The following CDC42BPA variants were observed in gnomAD, a reference collection of about 807,000 sequenced individuals.
The protein encoded by CDC42BPA is serine/threonine-protein kinase MRCK alpha.
Under a neutral mutation model 223.5 loss-of-function variants are expected in CDC42BPA, and 80 were observed. The observed-to-expected ratio is 0.36, with a 90% confidence interval of 0.30 to 0.43. The LOEUF (loss-of-function observed/expected upper bound fraction) is 0.43, where lower values mean the gene tolerates loss of function less well. Among genes scored for constraint, CDC42BPA ranks in the 20% least tolerant of loss-of-function variants. CDC42BPA has a pLI of 1.00. For synonymous variants in CDC42BPA, 694 were observed against 718.6 expected, an observed-to-expected ratio of 0.97 and a Z score of 0.55; for missense variants, 1,743 against 2,099.9, an observed-to-expected ratio of 0.83 and a Z score of 3.32.
chr1:227,118,450 T>TAGG (rs996833340), intron 12 of CDC42BPA, among the ~76,000 whole-genome samples: 1 of 152,188 alleles, frequency 6.6e-6, no homozygotes. Context: ...CTACTGCCTA[T>TAGG]AGGATATTAA....
chr1:227,150,869 GAA>G (rs149369718), intron 6 of CDC42BPA, among the ~76,000 whole-genome samples: 1 of 128,012 alleles, frequency 7.8e-6, no homozygotes, highest in Non-Finnish European at 1.7e-5. Flanking sequence ...AAAAAAAAAA[GAA>G]AAAAAAAAAG....
intron 10 of CDC42BPA, among the ~76,000 whole-genome samples, chr1:227,136,597 G>C (rs999552142): frequency 6.6e-6 from 1 of 152,200 alleles, no homozygotes; most frequent in African/African-American, 2.4e-5. Flanking sequence ...GTGAATCACA[G>C]TCCAACTATT....
intron 2 of CDC42BPA, among the ~76,000 whole-genome samples, chr1:227,238,226 G>A (rs1484573163): frequency 6.6e-6 from 1 of 150,808 alleles, no homozygotes; most frequent in African/African-American, 2.4e-5. Flanking sequence ...GGACATGGTG[G>A]GGCACACCTG....
At chr1:227,243,158 A>C (rs1193319096) in intron 2 of CDC42BPA, among the ~76,000 whole-genome samples, 1 of 152,186 alleles carries the variant, frequency 6.6e-6, no homozygotes, top group Non-Finnish European at 1.5e-5. Context: ...AACAACACAC[A>C]CTGGGACCTG....
chr1:227,021,239 C>T (rs1357168294), intron 32 of CDC42BPA, among the ~76,000 whole-genome samples: 2 of 152,098 alleles, frequency 1.3e-5, no homozygotes, highest in Non-Finnish European at 2.9e-5. Context: ...GGCACTGAGA[C>T]TTACTAGAGG....
intron 2 of CDC42BPA, among the ~76,000 whole-genome samples, chr1:227,242,199 C>T (rs985912768): frequency 2.0e-5 from 3 of 151,982 alleles, no homozygotes; most frequent in African/African-American, 7.3e-5. Flanking sequence ...ATAGATGGAG[C>T]TTTTGATAAA....
intron 4 of CDC42BPA, among the ~76,000 whole-genome samples, chr1:227,198,205 C>A (rs1384138661): frequency 2.0e-5 from 3 of 151,734 alleles, no homozygotes; most frequent in Non-Finnish European, 1.5e-5. Flanking sequence ...AATCCACACA[C>A]CTTAGGGGGT....
chr1:227,317,618 C>G lies in CDC42BPA; in HGVS notation c.-436G>C, dbSNP rs943916215. 1 of 397,906 alleles carries G rather than the reference C, an allele frequency of 2.5e-6. No homozygotes were observed. Among genetic ancestry groups the G allele is most frequent in the Non-Finnish European group, 4.4e-6 (1 of 226,012 alleles). The allele number at this position is 397,906 out of a possible 1,614,324, so 24.6% of individuals were successfully genotyped here. On this transcript the variant is annotated 5_prime_UTR_variant, in exon 1 of 37. It removes the in-frame stop codon of an upstream open reading frame in the 5' UTR. Transcript: ENST00000366766. ...TTAATGAATAAAGTCCGATTTGCAT[C>G]AGCAATTCACTTCCCGGGAAGAAGA...
chr1:226,994,509 G>C lies in CDC42BPA; in HGVS notation c.5134-110C>G. ...GCCACCCTGACCAAATAACCCCATG[G>C]GGCGGCCTCACTGTCGGTATAAAGC... On this transcript the variant is annotated intron_variant, in intron 36 of 36. Coordinates refer to ENST00000366766, the MANE Select transcript of CDC42BPA (RefSeq NM_001394014.1). The surrounding 1 kb of genome is among the most constrained non-coding windows in gnomAD (Gnocchi z 4.0). The C allele has an allele frequency of 7.7e-7, 1 of 1,306,862 alleles. No individual in the cohort carries two copies. Among genetic ancestry groups the C allele is most frequent in the South Asian group, 1.6e-5 (1 of 61,752 alleles). The allele number at this position is 1,306,862 out of a possible 1,614,324, so 81.0% of individuals were successfully genotyped here.
intron 1 of CDC42BPA, among the ~76,000 whole-genome samples, chr1:227,291,113 T>C (rs12118840): frequency 0.82 from 125,305 of 152,042 alleles, 51,759 homozygotes; most frequent in South Asian, 0.88. Flanking sequence ...CTAATTTTGG[T>C]CATTGAGAAT....
intron 1 of CDC42BPA, among the ~76,000 whole-genome samples, chr1:227,281,606 G>A (rs940754049): frequency 6.6e-6 from 1 of 152,204 alleles, no homozygotes; most frequent in South Asian, 2.1e-4. Context: ...CCTGTACTGA[G>A]CCAGAGGTAG....
intron 1 of CDC42BPA, among the ~76,000 whole-genome samples, chr1:227,256,491 T>C (rs1030295825): frequency 1.3e-5 from 2 of 151,882 alleles, no homozygotes; most frequent in Admixed American, 6.6e-5. Flanking sequence ...TAAAATAATA[T>C]ATATATGAAG....
intron 4 of CDC42BPA, among the ~76,000 whole-genome samples, chr1:227,195,851 A>G (rs912899586): frequency 6.6e-6 from 1 of 152,214 alleles, no homozygotes; most frequent in Non-Finnish European, 1.5e-5. Flanking sequence ...GGTAATATTC[A>G]TAATAGGTCA....
chr1:227,294,656 C>T lies in CDC42BPA; in HGVS notation c.178+22349G>A, dbSNP rs183675776. 2.0e-3 allele frequency among the ~76,000 whole-genome samples: 151 copies of T among 74,998 alleles called. 38 individuals are homozygous for T. Among genetic ancestry groups the T allele is most frequent in the African/African-American group, 7.7e-3 (142 of 18,540 alleles). 49.2% of individuals were successfully genotyped at this position (74,998 alleles called of 152,430 possible). On this transcript the variant is annotated intron_variant, in intron 1 of 36. Coordinates refer to ENST00000366766, the MANE Select transcript of CDC42BPA (RefSeq NM_001394014.1). ...CGGGCGGATCACGAGGTCAGGAGATCGAGACCATCCTGGCTAACAAGGTGA... is the reference window on the plus strand; with the variant it reads ...CGGGCGGATCACGAGGTCAGGAGATTGAGACCATCCTGGCTAACAAGGTGA...
chr1:227,068,607 G>C, intron 21 of CDC42BPA: 2 of 926,246 alleles, frequency 2.2e-6, no homozygotes, highest in Non-Finnish European at 2.8e-6. Context: ...TCAATTCACT[G>C]ATCTTTTTTA....
chr1:227,145,854 T>C (rs947284222), intron 7 of CDC42BPA, 117 bp from the exon 8 acceptor site: 1 of 763,542 alleles, frequency 1.3e-6, no homozygotes, highest in Non-Finnish European at 2.0e-6. Flanking sequence ...AATAACTGCA[T>C]GTTGGTGCAA....
At chr1:227,092,048 T>C in intron 15 of CDC42BPA, 57 bp from the exon 16 acceptor site, 1 of 957,252 alleles carries the variant, frequency 1.0e-6, no homozygotes, top group Non-Finnish European at 1.6e-6. Flanking sequence ...TTTGAAAACT[T>C]GAAATTATTT....
rs1487287523 is a variant in CDC42BPA, at chr1:227,318,226, G to C, written c.-1044C>G. The C allele has an allele frequency of 6.4e-6, 1 of 155,320 alleles. No individual in the cohort carries two copies. The highest frequency in any genetic ancestry group is 1.4e-5 in the Non-Finnish European group (1 of 70,662). The allele number at this position is 155,320 out of a possible 1,614,324, so 9.6% of individuals were successfully genotyped here. A position where few individuals can be genotyped will look rare whatever the true frequency, so the allele number is the denominator to read the frequency against. On this transcript the variant is annotated 5_prime_UTR_variant, in exon 1 of 37. Transcript: ENST00000366766. ...GGCGGCGGCGCGGGCGGCTCTGGCA[G>C]CTACTTCTCCCCCTTCTTCACACCC...
rs984044968 is a variant in CDC42BPA, at chr1:227,238,125, G to A, written c.270+15939C>T. ...CCCAACACTTTGGGAGGCATAGGCA[G>A]GAGGATCACTTGAGGCCAGGAGTTC... On this transcript the variant is annotated intron_variant, in intron 2 of 36. Transcript: ENST00000366766. Among the ~76,000 whole-genome samples the A allele has an allele frequency of 6.6e-5, 10 of 151,176 alleles. No homozygotes were observed. In the East Asian group the frequency reaches 1.9e-3, roughly 29 times the overall value.
Sources: gnomAD v4.1 joint callset for allele counts (sites outside exome capture counted in the v4.1 genomes callset) on GRCh38, gnomAD v4.1.1 for gene constraint, Gnocchi (gnomAD v3.1) non-coding constraint, MANE v1.5 for transcripts, NCBI Gene and HGNC (gene_info 2026-07-23, HGNC 2026-07-21) for gene names.